Variants in EDARADD observed in about 807,000 individuals in gnomAD.
The protein encoded by EDARADD is ectodysplasin-A receptor-associated adapter protein.
A neutral mutation model predicts 25.6 loss-of-function variants in EDARADD; 20 were observed. The ratio of observed to expected loss-of-function variants is 0.78; its 90% CI spans 0.55 to 1.14. The LOEUF (loss-of-function observed/expected upper bound fraction) is 1.14. EDARADD is among the 50% of genes most tolerant of loss of function. The pLI is 0.00. For synonymous variants in EDARADD, 86 were observed against 94.4 expected (o/e 0.91, Z 0.52); for missense variants, 225 against 270.1 (o/e 0.83, Z 1.17).
chr1:236,413,736 A>T (rs1657561631), intron 2 of EDARADD, among the ~76,000 whole-genome samples: 1 of 152,220 alleles, frequency 6.6e-6, no homozygotes, highest in African/African-American at 2.4e-5. Context: ...TGATGCATTG[A>T]GGAACTGTGC....
At chr1:236,456,453 T>C (rs1019323223) in intron 4 of EDARADD, among the ~76,000 whole-genome samples, 1 of 152,248 alleles carries the variant, frequency 6.6e-6, no homozygotes, top group African/African-American at 2.4e-5. Flanking sequence ...TCTTTCCATC[T>C]GTAGATAACT....
Position 236,484,028 on chromosome 1 carries a change from A to G in EDARADD, c.*1379A>G, listed in dbSNP as rs1173204876. The G allele has an allele frequency of 9.3e-6, 14 of 1,511,110 alleles. No homozygotes were observed. Among genetic ancestry groups the G allele is most frequent in the South Asian group, 7.9e-5 (7 of 89,002 alleles). The allele number at this position is 1,511,110 out of a possible 1,614,324, so 93.6% of individuals were successfully genotyped here. On this transcript the variant is annotated 3_prime_UTR_variant, in exon 6 of 6. Transcript: ENST00000334232. This position sits in a 1 kb window ranked among gnomAD's most constrained non-coding sequence, Gnocchi z 4.1. ...ACAAGTCCTTCATCAAAAACTACCC[A>G]GTGGTGTCTACTGAAGATCCCTTTG...
At chr1:236,435,975 G>C (rs939607312) in intron 4 of EDARADD, among the ~76,000 whole-genome samples, 1 of 152,052 alleles carries the variant, frequency 6.6e-6, no homozygotes, top group Admixed American at 6.6e-5. Context: ...AATAAGAGTC[G>C]TCAAAGGCAT....
chr1:236,392,646 T>TTTTGTA (rs1667440323), upstream of EDARADD, among the ~76,000 whole-genome samples: 1 of 150,142 alleles, frequency 6.7e-6, no homozygotes. Flanking sequence ...CCTGGCTAAT[T>TTTTGTA]TTTGTATTTG....
chr1:236,390,601 T>C (rs780559397), upstream of EDARADD, among the ~76,000 whole-genome samples: 4 of 152,010 alleles, frequency 2.6e-5, no homozygotes, highest in Non-Finnish European at 5.9e-5. Context: ...TGTACCCCAA[T>C]AACGTATGGA....
upstream of EDARADD, among the ~76,000 whole-genome samples, chr1:236,389,312 C>T (rs779125848): frequency 6.6e-6 from 1 of 152,168 alleles, no homozygotes; most frequent in Non-Finnish European, 1.5e-5. Context: ...TGCTCTGCAC[C>T]TACCACTCCC....
upstream of EDARADD, among the ~76,000 whole-genome samples, chr1:236,392,491 AT>A (rs10649367): frequency 1.6e-4 from 23 of 139,620 alleles, no homozygotes; most frequent in African/African-American, 2.9e-4. Context: ...TGCTCAGCTA[AT>A]TTTTTTTTTT....
intron 4 of EDARADD, among the ~76,000 whole-genome samples, chr1:236,437,001 G>A (rs1204187114): frequency 6.6e-6 from 1 of 152,214 alleles, no homozygotes; most frequent in African/African-American, 2.4e-5. Context: ...TGCCAAGAAT[G>A]TATTACCAGC....
intron 4 of EDARADD, among the ~76,000 whole-genome samples, chr1:236,460,296 C>T (rs1362934610): frequency 5.3e-5 from 8 of 151,564 alleles, no homozygotes; most frequent in African/African-American, 1.9e-4. Context: ...GCAATCCTCC[C>T]ACCTCAGCCT....
At chr1:236,391,171 C>T (rs759188033), upstream of EDARADD, among the ~76,000 whole-genome samples, 3 of 152,078 alleles carry the variant, frequency 2.0e-5, no homozygotes, top group Non-Finnish European at 4.4e-5. Flanking sequence ...GCACCTCCTC[C>T]ACTCAGTGGC....
In EDARADD at chr1:236,481,096, A is replaced by C. The variant is rs140271998; in HGVS notation, c.266-1171A>C. Among the ~76,000 whole-genome samples, 121 of 152,164 alleles carry C rather than the reference A, an allele frequency of 8.0e-4. 1 individual carries two copies. The highest frequency in any genetic ancestry group is 2.7e-3 in the African/African-American group (112 of 41,486). Reference sequence around the variant, plus strand: ...AAAGTTAAGATTCCTGGCACTATCAACTCTCACTTGTTTTCAAATATGCAT... The same window carrying C: ...AAAGTTAAGATTCCTGGCACTATCACCTCTCACTTGTTTTCAAATATGCAT... On this transcript the variant is annotated intron_variant, in intron 5 of 5. Transcript: ENST00000334232.
chr1:236,474,095 A>C (rs1315024932), intron 5 of EDARADD, among the ~76,000 whole-genome samples: 1 of 152,112 alleles, frequency 6.6e-6, no homozygotes, highest in Non-Finnish European at 1.5e-5. Flanking sequence ...CTGAAACGTC[A>C]AGCCTTGAGG....
chr1:236,397,152 G>A (rs1376001609), intron 1 of EDARADD, among the ~76,000 whole-genome samples: 8 of 152,120 alleles, frequency 5.3e-5, no homozygotes, highest in African/African-American at 1.9e-4. Flanking sequence ...GCTCAGGCCT[G>A]TAATGCCAGC....
At chr1:236,369,059 G>A (rs953143358) in intron 3 of EDARADD, among the ~76,000 whole-genome samples, 1 of 152,164 alleles carries the variant, frequency 6.6e-6, no homozygotes, top group Non-Finnish European at 1.5e-5. Flanking sequence ...CTCCCAAAGT[G>A]CTGGGATTAC....
chr1:236,393,993 T>C (rs923208953), upstream of EDARADD, among the ~76,000 whole-genome samples: 1 of 87,258 alleles, frequency 1.1e-5, no homozygotes, highest in Non-Finnish European at 2.5e-5. Context: ...AACTAGTCAA[T>C]CTTCCTTAAA....
chr1:236,353,678 C>CAAAA (rs34798233), intron 3 of EDARADD, among the ~76,000 whole-genome samples: 49 of 78,706 alleles, frequency 6.2e-4, no homozygotes, highest in African/African-American at 1.8e-3. Context: ...ACTCCAACTC[C>CAAAA]AAAAAAAAAA....
At chr1:236,480,890 C>T (rs1359966041) in intron 5 of EDARADD, among the ~76,000 whole-genome samples, 1 of 152,210 alleles carries the variant, frequency 6.6e-6, no homozygotes, top group Admixed American at 6.5e-5. Context: ...GATGGCCCTT[C>T]CTCTGGGGTA....
chr1:236,379,208 A>G (rs1667265723), intron 3 of EDARADD, among the ~76,000 whole-genome samples: 1 of 151,506 alleles, frequency 6.6e-6, no homozygotes, highest in South Asian at 2.1e-4. Flanking sequence ...TGTCTCTACT[A>G]AAAATACAAA....
At chr1:236,377,269 C>G (rs1478216862) in intron 3 of EDARADD, among the ~76,000 whole-genome samples, 1 of 151,230 alleles carries the variant, frequency 6.6e-6, no homozygotes, top group East Asian at 2.0e-4. Context: ...CATTCTCCTG[C>G]CTCAGCCCCC....
Sources: allele counts gnomAD v4.1 joint callset (sites outside exome capture counted in the v4.1 genomes callset), GRCh38; gene constraint gnomAD v4.1.1; non-coding constraint Gnocchi (gnomAD v3.1); transcripts MANE v1.5; gene names NCBI Gene and HGNC (gene_info 2026-07-23, HGNC 2026-07-21).